The following PCNX2 variants were observed in gnomAD, a reference collection of about 807,000 sequenced individuals.
The protein encoded by PCNX2 is pecanex-like protein 2.
PCNX2 carries 168 observed loss-of-function variants against 223.8 expected under a neutral mutation model. The observed-to-expected ratio is 0.75, with a 90% CI of 0.66 to 0.85. PCNX2 has a LOEUF of 0.85. Ranked by LOEUF, PCNX2 falls within the 40% of genes least tolerant of loss-of-function variation. PCNX2 has a pLI of 0.00. For synonymous variants in PCNX2, 1,006 were observed against 1,052.6 expected, an observed-to-expected ratio of 0.96 and a Z score of 0.86; for missense variants, 2,507 against 2,675.5, an observed-to-expected ratio of 0.94 and a Z score of 1.39.
chr1:233,322,408 A>T, the PCNX2 span, among the ~76,000 whole-genome samples: 3 of 152,136 alleles, frequency 2.0e-5, no homozygotes, highest in Admixed American at 6.5e-5. Context: ...GAAGCAACAA[A>T]TGATACATTT....
chr1:233,033,780 T>C (rs2102847257), intron 25 of PCNX2, among the ~76,000 whole-genome samples: 1 of 152,346 alleles, frequency 6.6e-6, no homozygotes. Context: ...CAAGAGTAGA[T>C]TCTAGAAACT....
intron 15 of PCNX2, among the ~76,000 whole-genome samples, chr1:233,197,314 T>C (rs912930816): frequency 1.3e-5 from 2 of 152,130 alleles, no homozygotes; most frequent in African/African-American, 4.8e-5. Flanking sequence ...AGCAATATAC[T>C]AAGGTGCCTG....
At chr1:233,323,871 A>G in the PCNX2 span, among the ~76,000 whole-genome samples, 7 of 152,368 alleles carry the variant, frequency 4.6e-5, no homozygotes, top group East Asian at 9.6e-4. Flanking sequence ...GCTAGAAATG[A>G]TTAAGCTTAG....
intron 25 of PCNX2, chr1:233,031,905 T>C (rs1255801578): frequency 1.0e-6 from 1 of 984,604 alleles, no homozygotes; most frequent in Admixed American, 6.2e-5. Flanking sequence ...CAGTGAGGCA[T>C]CCAGAGAGTA....
chr1:233,245,141 T>C (rs1324601357), intron 8 of PCNX2, among the ~76,000 whole-genome samples: 1 of 152,240 alleles, frequency 6.6e-6, no homozygotes, highest in African/African-American at 2.4e-5. Context: ...TGGGCCATCT[T>C]TGTCATTTCC....
In PCNX2 at chr1:233,112,797, A is replaced by G. The variant is rs1675188951; in HGVS notation, c.3838-16934T>C. 1.1e-5 allele frequency: 13 copies of G among 1,215,772 alleles called. No homozygotes were observed. The South Asian group carries it at 1.6e-4, about 15-fold the overall frequency. The allele number at this position is 1,215,772 out of a possible 1,614,324, so 75.3% of individuals were successfully genotyped here. On this transcript the variant is annotated intron_variant, in intron 21 of 33. Coordinates refer to ENST00000258229, the MANE Select transcript of PCNX2 (RefSeq NM_014801.4). The stretch of plus-strand genomic sequence containing the variant: ...AATGAAGAAAAAAATTTTAAGTCTT[A>G]CATGCTAGGCTTGATGTCCCAAATG...
At chr1:232,989,504 A>T (rs578029192) in intron 32 of PCNX2, among the ~76,000 whole-genome samples, 1 of 151,598 alleles carries the variant, frequency 6.6e-6, no homozygotes, top group African/African-American at 2.4e-5. Context: ...GGTCTCTGTC[A>T]TGCCCTTCCC....
rs373261473 is a variant in PCNX2 at position 233,204,519 on chromosome 1, A to T, written c.2863+3999T>A. Among the ~76,000 whole-genome samples, 4 of 152,222 alleles carry T rather than the reference A, an allele frequency of 2.6e-5. No homozygotes were observed. The East Asian group carries it at 7.7e-4, about 29-fold the overall frequency. On this transcript the variant is annotated intron_variant, in intron 13 of 33. Coordinates refer to ENST00000258229, the MANE Select transcript of PCNX2 (RefSeq NM_014801.4). ...GCTAGTTCCTCCATATAGCAATGGC[A>T]GCAGCTTTAGACTACTTACATCCCT... is the stretch of plus-strand genomic sequence containing the variant.
At position 233,014,748 on chromosome 1, in the gene PCNX2, G is replaced by A; in HGVS notation, c.4869C>T (p.Asp1623=). The A allele has an allele frequency of 1.2e-6, 2 of 1,613,978 alleles. No individual in the cohort carries two copies. Among genetic ancestry groups the A allele is most frequent in the Non-Finnish European group, 8.5e-7 (1 of 1,179,886 alleles). ...CGAAGGACAGAGTCACCAAGGGAGA[G>A]TCCTCGTCACTGTCCAGGGTCGTTG... The part of the protein sequence containing the change: ...EPSTTLDSDE[D]SPLVTLSFAL... Residue 1623 remains aspartate (D), a synonymous_variant, in exon 28 of 34, where the codon GAC becomes GAT. Coordinates refer to ENST00000258229, the MANE Select transcript of PCNX2 (RefSeq NM_014801.4).
chr1:233,042,201 T>A (rs3820117), intron 25 of PCNX2, among the ~76,000 whole-genome samples: 17,584 of 152,222 alleles, frequency 0.12, 1,127 homozygotes, highest in East Asian at 0.26. Flanking sequence ...CTCTGTAACA[T>A]CTGCCCCTAC....
chr1:233,237,786 A>C (rs1337301264), intron 8 of PCNX2, among the ~76,000 whole-genome samples: 1 of 152,182 alleles, frequency 6.6e-6, no homozygotes, highest in African/African-American at 2.4e-5. Context: ...TGGAAGAGAC[A>C]TGAGGTCCTT....
Position 233,014,698 on chromosome 1 carries a change from G to A in PCNX2, c.4919C>T (p.Ala1640Val), listed in dbSNP as rs750400029. Residue 1640 changes from alanine (A) to valine (V), a missense_variant, in exon 28 of 34, where the codon GCT (alanine) becomes GTT (valine). Physicochemically the swap from Ala to Val is moderately conservative, Grantham distance 64 (BLOSUM62 0). Coordinates refer to ENST00000258229, the MANE Select transcript of PCNX2 (RefSeq NM_014801.4). ...SFALCTLGRR[A>V]LGTAAHNMAI... ...CATATTGTGAGCGGCTGTTCCCAGA[G>A]CTCTCCTCCCCAGGGTGCACAGGGC... 1.5e-5 allele frequency: 24 copies of A among 1,613,978 alleles called. No individual in the cohort carries two copies. In the South Asian group the frequency reaches 2.6e-4, roughly 18 times the overall value.
Position 233,054,331 on chromosome 1 carries a change from C to T in PCNX2, c.4288G>A (p.Val1430Ile), listed in dbSNP as rs1387110642. ...CCATTTCCAATTTCAATCAGGTGAA[C>T]AAAGGCATTGAGGTCATCTGAAGCC... Reference protein sequence around the residue: ...ILASDDLNAFVHLIEIGNGLV... With the variant: ...ILASDDLNAFIHLIEIGNGLV... Residue 1430 changes from valine to isoleucine, a missense_variant, in exon 25 of 34, where the codon GTT becomes ATT. By Grantham distance (29) the Val-to-Ile change is conservative (BLOSUM62 3). Around this residue, in one of 3 missense-constraint regions of PCNX2, gnomAD observed 1,372 missense variants for 1,509.4 expected, o/e 0.91. Coordinates refer to ENST00000258229, the MANE Select transcript of PCNX2 (RefSeq NM_014801.4). 1 of 1,613,752 alleles carries T rather than the reference C, an allele frequency of 6.2e-7. No individual in the cohort carries two copies. Among genetic ancestry groups the T allele is most frequent in the Non-Finnish European group, 8.5e-7 (1 of 1,179,874 alleles).
At chr1:233,239,807 T>C (rs6661698) in intron 8 of PCNX2, among the ~76,000 whole-genome samples, 110,991 of 152,126 alleles carry the variant, frequency 0.73, 40,609 homozygotes, top group Middle Eastern at 0.75. Flanking sequence ...TATGCTTTTA[T>C]GCAAATGGTA....
chr1:233,090,081 T>G lies in PCNX2; in HGVS notation c.4056A>C (p.Lys1352Asn), dbSNP rs780709619. 13 of 1,613,716 alleles carry G rather than the reference T, an allele frequency of 8.1e-6. No homozygotes were observed. The highest frequency in any genetic ancestry group is 1.3e-5 in the African/African-American group (1 of 74,890). ...CTTACTTGTAGTTTTTCTCCCAGAA[T>G]TTCACTGGCCTGACATATGATGTGA... ...IFITSYVRPVKFWEKNYNTRR... is the reference protein window; with the variant it reads ...IFITSYVRPVNFWEKNYNTRR... Residue 1352 changes from lysine to asparagine, a missense_variant, in exon 23 of 34, where the codon AAA (lysine) becomes AAC (asparagine). By Grantham distance (94) the Lys-to-Asn change is moderately conservative. Coordinates refer to ENST00000258229, the MANE Select transcript of PCNX2 (RefSeq NM_014801.4).
chr1:233,311,006 G>A, the PCNX2 span, among the ~76,000 whole-genome samples: 1 of 152,290 alleles, frequency 6.6e-6, no homozygotes, highest in East Asian at 1.9e-4. Flanking sequence ...ATGAGACTTG[G>A]TGAAGCCAAA....
rs1671043903 is a variant in PCNX2, at chr1:233,025,287, AGCGTT to A, written c.4459_4463del (p.Asn1487CysfsTer36). On this transcript the variant is annotated frameshift_variant, in exon 26 of 34. Transcript: ENST00000258229. LOFTEE classifies it high-confidence loss of function. Reference sequence around the variant, plus strand: ...AGGTGAGCCAGCGGAGGTGAAAGGCAGCGTTGCAGGACAGCAGGTGAGGCAAGTGG... The same window carrying A: ...AGGTGAGCCAGCGGAGGTGAAAGGCAGCAGGACAGCAGGTGAGGCAAGTGG... 1.2e-6 allele frequency: 2 copies of A among 1,613,932 alleles called. No individual in the cohort carries two copies. Among genetic ancestry groups the A allele is most frequent in the Non-Finnish European group, 1.7e-6 (2 of 1,179,902 alleles).
At chr1:233,202,818 AAAAACAC>A (rs1454871774) in intron 13 of PCNX2, among the ~76,000 whole-genome samples, 2 of 152,214 alleles carry the variant, frequency 1.3e-5, no homozygotes, top group Non-Finnish European at 2.9e-5. Context: ...GCAAAAACAA[AAAAACAC>A]AGAGCAGAGG....
chr1:233,242,630 T>C (rs553470194), intron 8 of PCNX2, among the ~76,000 whole-genome samples: 26 of 152,308 alleles, frequency 1.7e-4, no homozygotes, highest in African/African-American at 5.5e-4. Flanking sequence ...ATATAAATAT[T>C]TGCTGAACAA....
Sources: gnomAD v4.1 joint callset for allele counts (sites outside exome capture counted in the v4.1 genomes callset) on GRCh38, gnomAD v4.1.1 for gene constraint, gnomAD v4.1.1 regional missense constraint, MANE v1.5 for transcripts, NCBI Gene and HGNC (gene_info 2026-07-23, HGNC 2026-07-21) for gene names.